The following SLC20A2 variants were observed in gnomAD, a reference collection of about 807,000 sequenced individuals.
SLC20A2 encodes the protein sodium-dependent phosphate transporter 2.
Under a neutral mutation model 61.0 loss-of-function variants are expected in SLC20A2, and 30 were observed. The observed-to-expected ratio is 0.49, with a 90% CI of 0.37 to 0.67. The LOEUF is 0.67. Ranked by LOEUF, SLC20A2 falls within the 30% of genes least tolerant of loss-of-function variation. The probability of loss-of-function intolerance (pLI) is 0.00; values close to 1 mark genes in which losing one functional copy is unlikely to be tolerated. For missense variants in SLC20A2, 626 were observed against 866.4 expected (o/e 0.72, Z 3.48); for synonymous variants, 351 against 353.3 (o/e 0.99, Z 0.07).
At chr8:42,490,329 G>A (rs760129496) in intron 1 of SLC20A2, among the ~76,000 whole-genome samples, 37 of 152,196 alleles carry the variant, frequency 2.4e-4, no homozygotes, top group Non-Finnish European at 4.4e-4. Context: ...TGGGTGTGGT[G>A]GCTCACGCCT....
At chr8:42,502,066 T>G (rs1810352336), upstream of SLC20A2, among the ~76,000 whole-genome samples, 1 of 152,234 alleles carries the variant, frequency 6.6e-6, no homozygotes, top group Non-Finnish European at 1.5e-5. Flanking sequence ...TGATGACATA[T>G]TTTGCTCTTA....
intron 8 of SLC20A2, among the ~76,000 whole-genome samples, chr8:42,436,367 AACAG>A (rs1223820570): frequency 6.6e-6 from 1 of 152,002 alleles, no homozygotes; most frequent in Non-Finnish European, 1.5e-5. Flanking sequence ...CGTCATCCCT[AACAG>A]ACAGCAGCTC....
chr8:42,427,176 T>G (rs1803472136), intron 10 of SLC20A2, among the ~76,000 whole-genome samples: 1 of 152,250 alleles, frequency 6.6e-6, no homozygotes, highest in Non-Finnish European at 1.5e-5. Flanking sequence ...TCAGCTGGGC[T>G]GCTCCCTGGC....
rs3763509 is a variant in SLC20A2, at chr8:42,472,852, G to C, written c.-264-198C>G. 3.1e-3 allele frequency among the ~76,000 whole-genome samples: 472 copies of C among 152,282 alleles called. 17 individuals are homozygous for C. In the East Asian group the frequency reaches 0.07, roughly 22 times the overall value. On this transcript the variant is annotated intron_variant, in intron 1 of 10. Transcript: ENST00000520262. This position sits in a 1 kb window ranked among gnomAD's most constrained non-coding sequence, Gnocchi z 4.1. ...AAAACACAAAAAAACCTGCTTTCTA[G>C]AATTGTCAGGAGTTGAAGCATGCTT...
At chr8:42,532,796 C>G (rs557669439) in intron 1 of SLC20A2, among the ~76,000 whole-genome samples, 2 of 152,040 alleles carry the variant, frequency 1.3e-5, no homozygotes, top group Non-Finnish European at 2.9e-5. Flanking sequence ...CAGGACTGAC[C>G]GGGCTGAGTG....
chr8:42,476,082 GTCTTTTT>G (rs1808066229), intron 1 of SLC20A2, among the ~76,000 whole-genome samples: 2 of 112,902 alleles, frequency 1.8e-5, no homozygotes, highest in Admixed American at 2.0e-4. Flanking sequence ...GGTTTACTGT[GTCTTTTT>G]TTTTTTTTTT....
intron 10 of SLC20A2, among the ~76,000 whole-genome samples, chr8:42,420,294 G>A (rs1179621354): frequency 1.3e-5 from 2 of 151,864 alleles, no homozygotes; most frequent in African/African-American, 4.8e-5. Flanking sequence ...TATTAACTCT[G>A]TGATATCGAA....
chr8:42,530,860 T>C (rs763165898), intron 1 of SLC20A2, among the ~76,000 whole-genome samples: 1 of 152,118 alleles, frequency 6.6e-6, no homozygotes, highest in Non-Finnish European at 1.5e-5. Flanking sequence ...GGATTACAGA[T>C]GCCCGCCACC....
intron 1 of SLC20A2, among the ~76,000 whole-genome samples, chr8:42,494,909 C>T (rs1224659793): frequency 1.3e-5 from 2 of 151,986 alleles, no homozygotes; most frequent in Non-Finnish European, 2.9e-5. Flanking sequence ...TGCAACGGTG[C>T]GATCTCGGCT....
chr8:42,437,672 A>G lies in SLC20A2; in HGVS notation c.935-95T>C, dbSNP rs1054850410. 1.9e-6 allele frequency: 2 copies of G among 1,047,558 alleles called. No individual in the cohort carries two copies. Among genetic ancestry groups the G allele is most frequent in the Non-Finnish European group, 2.6e-6 (2 of 759,276 alleles). 64.9% of individuals were successfully genotyped at this position (1,047,558 alleles called of 1,614,324 possible). ...CCTTGCTCTGTCCTCAGGGTGGAGT[A>G]CAATGGCGCAATCTCGGCTCACTGC... On this transcript the variant is annotated intron_variant, in intron 7 of 10. Coordinates refer to ENST00000520262, the MANE Select transcript of SLC20A2 (RefSeq NM_001257180.2). This position sits in a 1 kb window ranked among gnomAD's most constrained non-coding sequence, Gnocchi z 6.4.
rs569791992 is a variant in SLC20A2 at position 42,437,518 on chromosome 8, C to T, written c.994G>A (p.Gly332Ser). 2.5e-6 allele frequency: 4 copies of T among 1,613,946 alleles called. No individual in the cohort carries two copies. Among genetic ancestry groups the T allele is most frequent in the Admixed American group, 1.7e-5 (1 of 59,990 alleles). ...TCGCTCCTGGTGTGGCCGTCGAAGC[C>T]GAAGGTGCCGTTGGAGATGGGCGAT... ...VKSPISNGTF[G>S]FDGHTRSDGH... Residue 332 changes from glycine (G) to serine (S), a missense_variant, in exon 8 of 11, where the codon GGC becomes AGC. Gly to Ser is a moderately conservative substitution (Grantham distance 56, BLOSUM62 0). Around this residue, in one of 3 missense-constraint regions of SLC20A2, gnomAD observed 361 missense variants for 422.3 expected, o/e 0.85. Transcript: ENST00000520262. This position sits in a 1 kb window ranked among gnomAD's most constrained non-coding sequence, Gnocchi z 6.4.
Position 42,417,245 on chromosome 8 carries a change from G to A in SLC20A2, c.*558C>T, listed in dbSNP as rs1165069386. ...CACAGTATATGAACAAATCTTCAGT[G>A]AAAGCACTTGTGAGCTCCCGTCCCG... On this transcript the variant is annotated 3_prime_UTR_variant, in exon 11 of 11. Coordinates refer to ENST00000520262, the MANE Select transcript of SLC20A2 (RefSeq NM_001257180.2). The A allele has an allele frequency of 1.3e-5, 2 of 153,384 alleles. No individual in the cohort carries two copies. Among genetic ancestry groups the A allele is most frequent in the African/African-American group, 4.8e-5 (2 of 41,444 alleles). 9.5% of individuals were successfully genotyped at this position (153,384 alleles called of 1,614,324 possible).
intron 5 of SLC20A2, among the ~76,000 whole-genome samples, chr8:42,452,102 A>G (rs1586075278): frequency 1.6e-5 from 2 of 124,782 alleles, no homozygotes; most frequent in Admixed American, 8.0e-5. Context: ...GGAAGAGATG[A>G]AAGAGGAGGA....
intron 1 of SLC20A2, among the ~76,000 whole-genome samples, chr8:42,483,669 G>T (rs1808726055): frequency 6.6e-6 from 1 of 152,316 alleles, no homozygotes; most frequent in Middle Eastern, 3.4e-3. Context: ...CGCCCTCCCA[G>T]ATATTCTAGG....
At chr8:42,429,722 G>T (rs1035802451) in intron 9 of SLC20A2, among the ~76,000 whole-genome samples, 4 of 152,168 alleles carry the variant, frequency 2.6e-5, no homozygotes, top group African/African-American at 9.7e-5. Flanking sequence ...CAGCCCAGGG[G>T]CCTGTTTAAG....
chr8:42,418,061 TACA>T (rs1162047414), intron 10 of SLC20A2, 94 bp from the exon 11 acceptor site: 16 of 975,994 alleles, frequency 1.6e-5, no homozygotes, highest in African/African-American at 6.6e-5. Context: ...CAAGCTCTAG[TACA>T]ACATTACCCA....
At position 42,468,016 on chromosome 8, in the gene SLC20A2, C is replaced by T. The variant is rs1382827672; in HGVS notation, c.290-2099G>A. Among the ~76,000 whole-genome samples, 3 of 151,976 alleles carry T rather than the reference C, an allele frequency of 2.0e-5. No homozygotes were observed. The South Asian group carries it at 6.2e-4, about 32-fold the overall frequency. ...CTCCTGGGTTCACGCCATTCTCCTG[C>T]CTCAGCCTCCCGAGTAGCTGGGACT... On this transcript the variant is annotated intron_variant, in intron 2 of 10. Coordinates refer to ENST00000520262, the MANE Select transcript of SLC20A2 (RefSeq NM_001257180.2).
upstream of SLC20A2, among the ~76,000 whole-genome samples, chr8:42,503,674 C>T (rs1182184037): frequency 2.6e-5 from 4 of 152,118 alleles, no homozygotes; most frequent in Admixed American, 1.3e-4. Context: ...CAATCCAGTG[C>T]GTATTTTACA....
rs760397303 is a variant in SLC20A2 at position 42,428,693 on chromosome 8, C to T, written c.1794+65G>A. 114 of 1,423,298 alleles carry T rather than the reference C, an allele frequency of 8.0e-5. 1 individual carries two copies. The highest frequency in any genetic ancestry group is 4.5e-4 in the Middle Eastern group (2 of 4,480). 88.2% of individuals were successfully genotyped at this position (1,423,298 alleles called of 1,614,324 possible). On this transcript the variant is annotated intron_variant, in intron 10 of 10. Transcript: ENST00000520262. Reference sequence around the variant, plus strand: ...AGAGCCCTACAGCTTCCCTTGCATGCGCTCCGGTGGCCCTGGACCTGTCCC... The same window carrying T: ...AGAGCCCTACAGCTTCCCTTGCATGTGCTCCGGTGGCCCTGGACCTGTCCC...
Sources: allele counts gnomAD v4.1 joint callset (sites outside exome capture counted in the v4.1 genomes callset), GRCh38; gene constraint gnomAD v4.1.1; regional missense constraint gnomAD v4.1.1; non-coding constraint Gnocchi (gnomAD v3.1); transcripts MANE v1.5; gene names NCBI Gene and HGNC (gene_info 2026-07-23, HGNC 2026-07-21).